The following USP40 variants were observed in gnomAD, a reference collection of about 807,000 sequenced individuals.
The protein encoded by USP40 is ubiquitin carboxyl-terminal hydrolase 40.
In USP40, 143 loss-of-function variants were observed where a neutral mutation model predicts 166.2. The ratio of observed to expected loss-of-function variants is 0.86; its 90% CI spans 0.75 to 0.99. The LOEUF (loss-of-function observed/expected upper bound fraction) is 0.99. USP40 is among the 50% of genes least tolerant of loss of function. USP40 has a pLI of 0.00. For missense variants in USP40, 1,444 were observed against 1,479.7 expected (o/e 0.98, Z 0.40); for synonymous variants, 498 against 524.0 (o/e 0.95, Z 0.68).
rs1362926238 is a variant in USP40 at position 233,480,230 on chromosome 2, G to A, written c.3599+973C>T. ...GCCAAGATACTGAGGGGCAGAAGAAGGGGATTAGGGTGAGCGGGGCCAGAT... is the reference window on the plus strand; with the variant it reads ...GCCAAGATACTGAGGGGCAGAAGAAAGGGATTAGGGTGAGCGGGGCCAGAT... On this transcript the variant is annotated intron_variant, in intron 31 of 31. Transcript: ENST00000678225. This position sits in a 1 kb window ranked among gnomAD's most constrained non-coding sequence, Gnocchi z 4.5. 6.6e-6 allele frequency among the ~76,000 whole-genome samples: 1 copy of A among 152,198 alleles called. No homozygotes were observed. Among genetic ancestry groups the A allele is most frequent in the Non-Finnish European group, 1.5e-5 (1 of 68,034 alleles).
At position 233,493,506 on chromosome 2, in the gene USP40, A is replaced by AGGGACCCTGAAGCT; in HGVS notation, c.2822_2835dup (p.Gly947PhefsTer49). 6.2e-7 allele frequency: 1 copy of AGGGACCCTGAAGCT among 1,613,714 alleles called. No homozygotes were observed. The highest frequency in any genetic ancestry group is 8.5e-7 in the Non-Finnish European group (1 of 1,179,786). ...TCCTGATGACTCTCCCAGTGTCCTG[A>AGGGACCCTGAAGCT]GGGACCCTGAAGCTGGTACCACCAG... On this transcript the variant is annotated frameshift_variant, in exon 25 of 32. Transcript: ENST00000678225. LOFTEE classifies it high-confidence loss of function. The surrounding 1 kb of genome is among the most constrained non-coding windows in gnomAD (Gnocchi z 4.7).
intron 11 of USP40, among the ~76,000 whole-genome samples, chr2:233,529,814 C>CTTTTTTTTTTT (rs369071345): frequency 6.7e-5 from 9 of 133,944 alleles, no homozygotes; most frequent in Admixed American, 1.6e-4. Context: ...TTTTCTTTTT[C>CTTTTTTTTTTT]TTTTTTTTTT....
rs2072200178 is a variant in USP40, at chr2:233,566,764, G to C, written c.-100C>G. On this transcript the variant is annotated 5_prime_UTR_variant, in exon 1 of 32. Coordinates refer to ENST00000678225, the MANE Select transcript of USP40 (RefSeq NM_001365479.2). ...CAACTGGGCGCCGCCATGTTGGCGA[G>C]GGCGGGTCTCCAGAAAGTGATTTAT... 20 of 985,850 alleles carry C rather than the reference G, an allele frequency of 2.0e-5. No individual in the cohort carries two copies. The highest frequency in any genetic ancestry group is 2.4e-5 in the Non-Finnish European group (20 of 829,976). The allele number at this position is 985,850 out of a possible 1,614,324, so 61.1% of individuals were successfully genotyped here.
At chr2:233,548,310 C>T (rs954896556) in intron 8 of USP40, among the ~76,000 whole-genome samples, 12 of 152,064 alleles carry the variant, frequency 7.9e-5, no homozygotes, top group Admixed American at 2.6e-4. Context: ...CAAAATTCAC[C>T]CTGGTTTTAA....
intron 7 of USP40, among the ~76,000 whole-genome samples, chr2:233,550,438 G>A (rs183353886): frequency 3.0e-4 from 46 of 151,532 alleles, no homozygotes; most frequent in Non-Finnish European, 1.9e-4. Context: ...ATTTGGTTAC[G>A]TCAATAATAG....
rs2064195334 is a variant in USP40 at position 233,476,696 on chromosome 2, G to C, written c.*696C>G. 1 of 156,514 alleles carries C rather than the reference G, an allele frequency of 6.4e-6. No individual in the cohort carries two copies. Among genetic ancestry groups the C allele is most frequent in the African/African-American group, 2.4e-5 (1 of 41,612 alleles). 9.7% of individuals were successfully genotyped at this position (156,514 alleles called of 1,614,324 possible). ...TCTGATCACAGAGCACCCAGGATAA[G>C]CTGGACCCTTGGCCTGCGGGCTGAC... On this transcript the variant is annotated 3_prime_UTR_variant, in exon 32 of 32. Coordinates refer to ENST00000678225, the MANE Select transcript of USP40 (RefSeq NM_001365479.2).
rs946374546 is a variant in USP40, at chr2:233,562,727, T to A, written c.267+9A>T. 31 of 1,494,980 alleles carry A rather than the reference T, an allele frequency of 2.1e-5. No homozygotes were observed. The highest frequency in any genetic ancestry group is 2.8e-5 in the African/African-American group (2 of 71,112). 92.6% of individuals were successfully genotyped at this position (1,494,980 alleles called of 1,614,324 possible). On this transcript the variant is annotated intron_variant, in intron 3 of 31. Transcript: ENST00000678225. ...ACTTAAAGTATAATAATAATAATAA[T>A]AAAAATACCTTTGCATCGGGTTTAT...
intron 26 of USP40, 143 bp downstream of exon 26, chr2:233,491,024 G>T: frequency 2.6e-6 from 2 of 760,314 alleles, no homozygotes; most frequent in South Asian, 3.0e-5. Context: ...TTGCCTGCGG[G>T]TACTTACCAC....
rs1052697129 is a variant in USP40, at chr2:233,480,525, C to T, written c.3599+678G>A. On this transcript the variant is annotated intron_variant, in intron 31 of 31. Transcript: ENST00000678225. The surrounding 1 kb of genome is among the most constrained non-coding windows in gnomAD (Gnocchi z 4.5). The stretch of plus-strand genomic sequence containing the variant: ...TGTGGCCTGGAGGCCTGAAGACAGC[C>T]GGCTGGGCACAGAGCCTGTGGCTTG... Among the ~76,000 whole-genome samples the T allele has an allele frequency of 1.3e-5, 2 of 152,224 alleles. No homozygotes were observed. Among genetic ancestry groups the T allele is most frequent in the African/African-American group, 4.8e-5 (2 of 41,464 alleles).
chr2:233,556,638 T>A (rs931046805), intron 5 of USP40: 8 of 330,824 alleles, frequency 2.4e-5, no homozygotes, highest in Non-Finnish European at 3.7e-5. Context: ...GGGTACTGAA[T>A]AAAAGATTAA....
chr2:233,558,001 C>CAAAAAA (rs71058563), intron 4 of USP40, among the ~76,000 whole-genome samples: 2 of 51,342 alleles, frequency 3.9e-5, no homozygotes, highest in African/African-American at 8.3e-5. Context: ...GACCTCATCT[C>CAAAAAA]AAAAAAAAAA....
At position 233,477,371 on chromosome 2, in the gene USP40, T is replaced by C. The variant is rs1228869411; in HGVS notation, c.*21A>G. 6.2e-7 allele frequency: 1 copy of C among 1,608,424 alleles called. No individual in the cohort carries two copies. Among genetic ancestry groups the C allele is most frequent in the Non-Finnish European group, 8.5e-7 (1 of 1,176,148 alleles). ...CATCAGCCGGAGAGTTCATCGGGAG[T>C]AGAGCCGTGCAGCGGCGCGGTTATC... On this transcript the variant is annotated 3_prime_UTR_variant, in exon 32 of 32. Transcript: ENST00000678225.
chr2:233,565,245 T>C, intron 2 of USP40, 111 bp downstream of exon 2: 2 of 845,130 alleles, frequency 2.4e-6, no homozygotes, highest in Middle Eastern at 4.9e-4. Context: ...AATAAACACA[T>C]ACTGTAGAAT....
At chr2:233,494,824 TAA>T (rs367849310) in intron 24 of USP40, among the ~76,000 whole-genome samples, 13 of 79,176 alleles carry the variant, frequency 1.6e-4, no homozygotes, top group East Asian at 4.5e-4. Context: ...AGATCCTTTC[TAA>T]AAAAAAAAAA....
intron 7 of USP40, 82 bp downstream of exon 7, chr2:233,551,294 T>A: frequency 7.0e-7 from 1 of 1,426,296 alleles, no homozygotes; most frequent in Middle Eastern, 2.3e-4. Flanking sequence ...ATTCTCACAA[T>A]AAACCAACTG....
At chr2:233,481,129 G>GTTTCCA in intron 31 of USP40, 74 bp downstream of exon 31, 1 of 1,403,294 alleles carries the variant, frequency 7.1e-7, no homozygotes, top group Non-Finnish European at 9.8e-7. Context: ...GTCCCTCTCA[G>GTTTCCA]TTTCCAAGCA....
chr2:233,560,541 G>T (rs2071487822), intron 3 of USP40, among the ~76,000 whole-genome samples: 1 of 152,126 alleles, frequency 6.6e-6, no homozygotes, highest in Non-Finnish European at 1.5e-5. Flanking sequence ...ATCTGCAACA[G>T]ATTGGGAATA....
intron 24 of USP40, among the ~76,000 whole-genome samples, chr2:233,494,839 A>G (rs1243248221): frequency 6.9e-6 from 1 of 143,954 alleles, no homozygotes; most frequent in African/African-American, 2.5e-5. Context: ...AAAAAAAAAA[A>G]AAACCAAAAA....
At chr2:233,550,408 T>G (rs1378122966) in intron 7 of USP40, among the ~76,000 whole-genome samples, 1 of 151,986 alleles carries the variant, frequency 6.6e-6, no homozygotes, top group African/African-American at 2.4e-5. Context: ...TTATATTAAC[T>G]AACTCTGGGA....
Sources: allele counts gnomAD v4.1 joint callset (sites outside exome capture counted in the v4.1 genomes callset), GRCh38; gene constraint gnomAD v4.1.1; non-coding constraint Gnocchi (gnomAD v3.1); transcripts MANE v1.5; gene names NCBI Gene and HGNC (gene_info 2026-07-23, HGNC 2026-07-21).